TMEM72: variants seen among roughly 807,000 people sequenced by gnomAD.
The protein encoded by TMEM72 is transmembrane protein 72, also known as kidney-specific secretory protein of 37 kDa.
TMEM72 carries 9 observed loss-of-function variants against 16.3 expected under a neutral mutation model. The observed-to-expected ratio is 0.55, with a 90% CI of 0.33 to 0.96. The LOEUF is 0.96. TMEM72 is among the 40% of genes least tolerant of loss of function. The pLI is 0.03. For missense variants in TMEM72, 324 were observed against 337.8 expected (o/e 0.96, Z 0.32); for synonymous variants, 160 against 146.5 (o/e 1.09, Z -0.66).
At chr10:44,934,355 C>T (rs540947066) in intron 4 of TMEM72, among the ~76,000 whole-genome samples, 1 of 152,314 alleles carries the variant, frequency 6.6e-6, no homozygotes, top group Admixed American at 6.5e-5. Flanking sequence ...TCTGTGAAAA[C>T]TGTGCCCCCT....
At chr10:44,932,574 C>T (rs1377998957) in intron 3 of TMEM72, among the ~76,000 whole-genome samples, 1 of 152,198 alleles carries the variant, frequency 6.6e-6, no homozygotes, top group Non-Finnish European at 1.5e-5. Flanking sequence ...TCCCAGCCTA[C>T]ACTCAGTATG....
intron 1 of TMEM72, among the ~76,000 whole-genome samples, chr10:44,919,333 T>C (rs1341526832): frequency 1.3e-5 from 2 of 152,060 alleles, no homozygotes; most frequent in Non-Finnish European, 1.5e-5. Context: ...GCATACAGAT[T>C]GTCCAGGAAA....
chr10:44,926,500 A>T (rs990607698), intron 1 of TMEM72, among the ~76,000 whole-genome samples: 4 of 151,762 alleles, frequency 2.6e-5, no homozygotes, highest in Admixed American at 2.6e-4. Context: ...GTAAGTTTTG[A>T]CTCTTCAGTT....
In TMEM72 at chr10:44,911,457, A is replaced by C; in HGVS notation, c.-56A>C. 1 of 1,532,812 alleles carries C rather than the reference A, an allele frequency of 6.5e-7. No individual in the cohort carries two copies. Among genetic ancestry groups the C allele is most frequent in the Non-Finnish European group, 8.8e-7 (1 of 1,134,460 alleles). 95.0% of individuals were successfully genotyped at this position (1,532,812 alleles called of 1,614,324 possible). ...ACACAAGGGTGTTCGGGAGCATCTC[A>C]GGGCCGAAGACTTTGCTGCCTGCCC... On this transcript the variant is annotated 5_prime_UTR_variant, in exon 1 of 5. Transcript: ENST00000389583.
chr10:44,914,498 C>T (rs971780581), intron 1 of TMEM72, among the ~76,000 whole-genome samples: 8 of 152,200 alleles, frequency 5.3e-5, no homozygotes, highest in East Asian at 1.9e-4. Flanking sequence ...TGCTGAGACG[C>T]GGCATCCATT....
chr10:44,915,018 A>G lies in TMEM72; in HGVS notation c.70+3436A>G, dbSNP rs530379281. On this transcript the variant is annotated intron_variant, in intron 1 of 4. Coordinates refer to ENST00000389583, the MANE Select transcript of TMEM72 (RefSeq NM_001123376.3). The stretch of plus-strand genomic sequence containing the variant: ...ACCTCTCAGGCCGTCCAGGCTGGGC[A>G]TGGAGGGAAGGGGAGACATGTCCCT... 7.2e-5 allele frequency among the ~76,000 whole-genome samples: 11 copies of G among 152,318 alleles called. No individual in the cohort carries two copies. In the South Asian group the frequency reaches 2.1e-3, roughly 29 times the overall value.
intron 4 of TMEM72, among the ~76,000 whole-genome samples, chr10:44,934,177 G>T (rs573440057): frequency 6.6e-6 from 1 of 151,992 alleles, no homozygotes; most frequent in Middle Eastern, 3.4e-3. Context: ...AGGCACTTCA[G>T]GGTGGGACCC....
intron 1 of TMEM72, chr10:44,923,331 CT>C (rs1840133426): frequency 6.6e-6 from 1 of 152,084 alleles, no homozygotes; most frequent in Non-Finnish European, 1.5e-5. Flanking sequence ...CTCTCTCTCT[CT>C]CTCTCTTTCT....
chr10:44,922,074 C>T (rs1840108362), intron 1 of TMEM72, among the ~76,000 whole-genome samples: 1 of 152,200 alleles, frequency 6.6e-6, no homozygotes, highest in Non-Finnish European at 1.5e-5. Context: ...GCCCTGGTGT[C>T]CTTCTGGGCC....
chr10:44,923,801 G>C (rs1840141228), intron 1 of TMEM72, among the ~76,000 whole-genome samples: 1 of 152,118 alleles, frequency 6.6e-6, no homozygotes, highest in Admixed American at 6.5e-5. Context: ...TTTATGCCTG[G>C]GAAGCCTCCT....
At chr10:44,920,916 G>A (rs147030879) in intron 1 of TMEM72, among the ~76,000 whole-genome samples, 5 of 152,258 alleles carry the variant, frequency 3.3e-5, no homozygotes, top group East Asian at 1.9e-4. Context: ...CCTAGCTTTC[G>A]TCAACCCATG....
At chr10:44,926,016 CACAT>C (rs1225046627) in intron 1 of TMEM72, among the ~76,000 whole-genome samples, 1 of 151,164 alleles carries the variant, frequency 6.6e-6, no homozygotes, top group Non-Finnish European at 1.5e-5. Flanking sequence ...CACATTCACA[CACAT>C]ACACTCACAC....
chr10:44,933,537 G>C (rs1840339928), intron 3 of TMEM72, 100 bp from the exon 4 acceptor site: 1 of 1,488,792 alleles, frequency 6.7e-7, no homozygotes, highest in Non-Finnish European at 9.1e-7. Context: ...GCCCACTGCA[G>C]AGCATGCCCA....
At chr10:44,915,200 C>T (rs1475406829) in intron 1 of TMEM72, among the ~76,000 whole-genome samples, 3 of 152,212 alleles carry the variant, frequency 2.0e-5, no homozygotes, top group African/African-American at 7.2e-5. Flanking sequence ...CAGCTTGAGG[C>T]CCCACTGCCC....
At chr10:44,922,041 G>A (rs2132717264) in intron 1 of TMEM72, among the ~76,000 whole-genome samples, 1 of 152,314 alleles carries the variant, frequency 6.6e-6, no homozygotes, top group Middle Eastern at 3.4e-3. Flanking sequence ...GTAATTTTAG[G>A]AGGTGTGCCT....
intron 1 of TMEM72, among the ~76,000 whole-genome samples, chr10:44,915,028 G>A (rs1348638212): frequency 1.3e-5 from 2 of 152,216 alleles, no homozygotes; most frequent in Non-Finnish European, 2.9e-5. Flanking sequence ...ATGGAGGGAA[G>A]GGGAGACATG....
intron 1 of TMEM72, 128 bp downstream of exon 1, chr10:44,911,710 A>C (rs1384841171): frequency 9.4e-7 from 1 of 1,067,590 alleles, no homozygotes; most frequent in Non-Finnish European, 1.4e-6. Flanking sequence ...TTTTTTTCCC[A>C]AGACCCCTAG....
intron 1 of TMEM72, among the ~76,000 whole-genome samples, chr10:44,913,367 T>C (rs541524694): frequency 6.6e-6 from 1 of 152,302 alleles, no homozygotes; most frequent in South Asian, 2.1e-4. Flanking sequence ...CCTATCCTTC[T>C]AATGGATTAG....
chr10:44,918,335 T>C (rs959300197), intron 1 of TMEM72, among the ~76,000 whole-genome samples: 4 of 152,156 alleles, frequency 2.6e-5, no homozygotes, highest in Non-Finnish European at 5.9e-5. Context: ...CATATGGGTC[T>C]GCAGAGTCCT....
Sources: allele counts gnomAD v4.1 joint callset (sites outside exome capture counted in the v4.1 genomes callset), GRCh38; gene constraint gnomAD v4.1.1; transcripts MANE v1.5; gene names NCBI Gene and HGNC (gene_info 2026-07-23, HGNC 2026-07-21).